Variants in KLHDC4 observed in about 807,000 individuals in gnomAD.
KLHDC4 encodes the protein kelch domain containing 4.
A neutral mutation model predicts 62.4 loss-of-function variants in KLHDC4; 90 were observed. That is an observed-to-expected ratio of 1.44 (90% CI 1.22 to 1.72). KLHDC4 has a LOEUF of 1.72. Among genes scored for constraint, KLHDC4 ranks in the 40% most tolerant of loss-of-function variants. The pLI is 0.00. For missense variants in KLHDC4, 1,025 were observed against 699.7 expected (o/e 1.47, Z -5.25); for synonymous variants, 386 against 284.4 (o/e 1.36, Z -3.59).
intron 6 of KLHDC4, 111 bp from the exon 7 acceptor site, chr16:87,727,035 C>A: frequency 8.4e-7 from 1 of 1,187,888 alleles, no homozygotes; most frequent in Non-Finnish European, 1.2e-6. Context: ...TGGGGAAAAA[C>A]TCAAACCATT....
intron 7 of KLHDC4, among the ~76,000 whole-genome samples, chr16:87,717,218 G>A (rs187157617): frequency 9.8e-5 from 15 of 152,340 alleles, no homozygotes; most frequent in African/African-American, 3.6e-4. Context: ...ACGACAGAGT[G>A]AGACTTCTCA....
intron 5 of KLHDC4, among the ~76,000 whole-genome samples, chr16:87,744,779 A>G (rs1304485544): frequency 6.6e-6 from 1 of 152,226 alleles, no homozygotes; most frequent in East Asian, 1.9e-4. Context: ...CTCAGAAACA[A>G]TACAGACCTT....
chr16:87,720,145 C>T (rs375023648), intron 7 of KLHDC4, among the ~76,000 whole-genome samples: 1 of 152,202 alleles, frequency 6.6e-6, no homozygotes, highest in Admixed American at 6.5e-5. Context: ...AGGGCCGCCC[C>T]AAGGACCCCG....
intron 7 of KLHDC4, among the ~76,000 whole-genome samples, chr16:87,715,949 G>A (rs760342003): frequency 2.0e-5 from 3 of 152,216 alleles, no homozygotes; most frequent in Non-Finnish European, 1.5e-5. Context: ...TATTGACACA[G>A]GCTTTGGGCA....
chr16:87,725,153 G>C (rs559755299), intron 7 of KLHDC4, among the ~76,000 whole-genome samples: 3 of 152,272 alleles, frequency 2.0e-5, no homozygotes, highest in Non-Finnish European at 4.4e-5. Flanking sequence ...GAAAATCAGA[G>C]CAGCGTCACC....
At chr16:87,762,119 A>C in intron 1 of KLHDC4, 79 bp from the exon 2 acceptor site, 1 of 1,582,214 alleles carries the variant, frequency 6.3e-7, no homozygotes, top group Non-Finnish European at 8.6e-7. Context: ...GCTTTCCTCC[A>C]ATCAGTGTGA....
chr16:87,755,118 C>A (rs962174777), intron 4 of KLHDC4, 76 bp downstream of exon 4: 40 of 994,342 alleles, frequency 4.0e-5, no homozygotes, highest in Non-Finnish European at 7.9e-6. Context: ...TGCCTGTCAC[C>A]TATCAACTCT....
In KLHDC4 at chr16:87,730,621, C is replaced by T. The variant is rs149515790; in HGVS notation, c.530G>A (p.Arg177Gln). ...CCAGGCCACCATCCGATGTCCACTC[C>T]GACCCGAAGGACCGCCTGTTGATCT... is the stretch of plus-strand genomic sequence containing the variant. Reference protein sequence around the residue: ...QVKSTGGPSGRSGHRMVAWKR... With the variant: ...QVKSTGGPSGQSGHRMVAWKR... The change falls in exon 6 of 12, where the codon CGG becomes CAG. Residue 177 changes from arginine (R) to glutamine (Q), a missense_variant. By Grantham distance (43) the Arg-to-Gln change is conservative (BLOSUM62 1). Coordinates refer to ENST00000270583, the MANE Select transcript of KLHDC4 (RefSeq NM_017566.4). 2.9e-5 allele frequency: 46 copies of T among 1,612,812 alleles called. No homozygotes were observed. The highest frequency in any genetic ancestry group is 6.7e-5 in the Admixed American group (4 of 59,594).
chr16:87,742,163 A>G (rs577140668), intron 5 of KLHDC4, among the ~76,000 whole-genome samples: 61 of 151,952 alleles, frequency 4.0e-4, no homozygotes, highest in African/African-American at 1.4e-3. Context: ...TAGTGTGTGA[A>G]CCCCCAAGCC....
chr16:87,762,586 T>G (rs2046050780), intron 1 of KLHDC4, among the ~76,000 whole-genome samples: 1 of 152,246 alleles, frequency 6.6e-6, no homozygotes, highest in South Asian at 2.1e-4. Flanking sequence ...TAATAAAATA[T>G]GAGCTCCACC....
At chr16:87,751,851 A>C (rs1023640200) in intron 4 of KLHDC4, among the ~76,000 whole-genome samples, 2 of 152,000 alleles carry the variant, frequency 1.3e-5, no homozygotes, top group African/African-American at 4.8e-5. Context: ...AGGCGGGCGG[A>C]TCACGAGGCC....
chr16:87,731,544 C>T (rs2040373357), intron 5 of KLHDC4, among the ~76,000 whole-genome samples: 1 of 151,998 alleles, frequency 6.6e-6, no homozygotes, highest in African/African-American at 2.4e-5. Flanking sequence ...GCCAAGTCCA[C>T]AGTGACTTCC....
chr16:87,739,591 C>G (rs1036575792), intron 5 of KLHDC4, among the ~76,000 whole-genome samples: 2 of 150,704 alleles, frequency 1.3e-5, no homozygotes, highest in Admixed American at 6.6e-5. Context: ...CATCCACACA[C>G]CAGCACGTCA....
chr16:87,703,147 C>G (rs538424079), downstream of KLHDC4: 2 of 152,338 alleles, frequency 1.3e-5, no homozygotes, highest in Non-Finnish European at 2.9e-5. Flanking sequence ...CAGAGCTAGT[C>G]GGCACGTGGA....
At chr16:87,752,852 C>T (rs1038523161) in intron 4 of KLHDC4, among the ~76,000 whole-genome samples, 3 of 152,210 alleles carry the variant, frequency 2.0e-5, no homozygotes, top group African/African-American at 7.2e-5. Flanking sequence ...TACTCCTGCC[C>T]ACGATGGAGC....
intron 1 of KLHDC4, chr16:87,765,124 T>C: frequency 2.2e-6 from 1 of 456,006 alleles, no homozygotes; most frequent in South Asian, 1.5e-5. Flanking sequence ...GCCATAAAAC[T>C]GGCCCCGGTT....
At chr16:87,747,243 G>A (rs1464291332) in intron 5 of KLHDC4, among the ~76,000 whole-genome samples, 1 of 152,048 alleles carries the variant, frequency 6.6e-6, no homozygotes, top group Non-Finnish European at 1.5e-5. Flanking sequence ...TGGGTTAGCC[G>A]CATTCTATCA....
At chr16:87,728,305 C>T (rs546670775) in intron 6 of KLHDC4, among the ~76,000 whole-genome samples, 2 of 152,168 alleles carry the variant, frequency 1.3e-5, no homozygotes, top group South Asian at 2.1e-4. Flanking sequence ...AATGTGGAAG[C>T]GTGTAATCTT....
downstream of KLHDC4, among the ~76,000 whole-genome samples, chr16:87,705,769 G>A (rs748709276): frequency 2.5e-4 from 38 of 152,252 alleles, no homozygotes; most frequent in Non-Finnish European, 4.0e-4. Context: ...AAGGGCTGGA[G>A]CCGCAGAGCC....
Sources: allele counts gnomAD v4.1 joint callset (sites outside exome capture counted in the v4.1 genomes callset), GRCh38; gene constraint gnomAD v4.1.1; transcripts MANE v1.5; gene names NCBI Gene and HGNC (gene_info 2026-07-23, HGNC 2026-07-21).